The following ADAD1 variants were observed in gnomAD, a reference collection of about 807,000 sequenced individuals.
ADAD1 encodes the protein adenosine deaminase domain containing 1, also known as adenosine deaminase domain-containing protein 1.
A neutral mutation model predicts 66.8 loss-of-function variants in ADAD1; 46 were observed. The ratio of observed to expected loss-of-function variants is 0.69; its 90% CI spans 0.54 to 0.88. ADAD1 has a LOEUF of 0.88. Ranked by LOEUF, ADAD1 falls within the 40% of genes least tolerant of loss-of-function variation. ADAD1 has a pLI of 0.00. For synonymous variants in ADAD1, 248 were observed against 229.4 expected (o/e 1.08, Z -0.73); for missense variants, 617 against 681.8 (o/e 0.91, Z 1.06).
At chr4:122,426,974 C>A (rs1797269112) in intron 12 of ADAD1, among the ~76,000 whole-genome samples, 1 of 152,150 alleles carries the variant, frequency 6.6e-6, no homozygotes, top group Non-Finnish European at 1.5e-5. Context: ...CAACACTGTT[C>A]TCTAGGTCCT....
At chr4:122,406,919 A>G (rs1337001631) in intron 7 of ADAD1, among the ~76,000 whole-genome samples, 1 of 152,096 alleles carries the variant, frequency 6.6e-6, no homozygotes, top group African/African-American at 2.4e-5. Context: ...CCTTCAAAGC[A>G]CTTATCACAC....
In ADAD1 at chr4:122,387,691, A is replaced by C. The variant is rs183081803; in HGVS notation, c.529+3725A>C. ...ATATTGGCTTTGGTTTGTCATAAAT[A>C]GCTCTTATTATTTTGAGACATGTTC... On this transcript the variant is annotated intron_variant, in intron 5 of 12. Coordinates refer to ENST00000296513, the MANE Select transcript of ADAD1 (RefSeq NM_139243.4). Among the ~76,000 whole-genome samples, 130 of 151,672 alleles carry C rather than the reference A, an allele frequency of 8.6e-4. 1 individual carries two copies. In the East Asian group the frequency reaches 0.024, roughly 28 times the overall value.
At chr4:122,421,184 A>G in intron 11 of ADAD1, 77 bp from the exon 12 acceptor site, 18 of 1,158,908 alleles carry the variant, frequency 1.6e-5, no homozygotes, top group Non-Finnish European at 2.1e-5. Context: ...GTAGATCCAT[A>G]TTGATTTTAA....
intron 5 of ADAD1, among the ~76,000 whole-genome samples, chr4:122,386,031 G>C (rs568884615): frequency 6.6e-6 from 1 of 152,248 alleles, no homozygotes; most frequent in South Asian, 2.1e-4. Context: ...ATAGTAGAAT[G>C]ATTTATATTC....
chr4:122,405,645 A>G (rs146129888), intron 7 of ADAD1, among the ~76,000 whole-genome samples: 67 of 152,306 alleles, frequency 4.4e-4, no homozygotes, highest in African/African-American at 1.5e-3. Flanking sequence ...ATACATTATT[A>G]TTAACTGTAG....
chr4:122,406,060 C>T (rs865793580), intron 7 of ADAD1, among the ~76,000 whole-genome samples: 2 of 151,592 alleles, frequency 1.3e-5, no homozygotes, highest in South Asian at 2.1e-4. Flanking sequence ...ATATTTCTTC[C>T]AATCTTAATT....
chr4:122,381,839 T>A (rs1240340463), intron 4 of ADAD1, among the ~76,000 whole-genome samples: 1 of 152,154 alleles, frequency 6.6e-6, no homozygotes, highest in Non-Finnish European at 1.5e-5. Context: ...TTAAAAACTT[T>A]GTGTATATGT....
chr4:122,382,970 T>C (rs1046932520), intron 4 of ADAD1, among the ~76,000 whole-genome samples: 1 of 152,164 alleles, frequency 6.6e-6, no homozygotes, highest in African/African-American at 2.4e-5. Flanking sequence ...GTGGGGTTTA[T>C]GTGTGGCAGC....
chr4:122,421,408 TA>T lies in ADAD1; in HGVS notation c.1617+21del, dbSNP rs1451679038. On this transcript the variant is annotated intron_variant, in intron 12 of 12. Transcript: ENST00000296513. ...CAGCTAAGGTAAGTCCTTAAAGGAA[TA>T]AAGTTATCATAGGAATAAAATTTAA... The T allele has an allele frequency of 6.6e-7, 1 of 1,514,374 alleles. No individual in the cohort carries two copies. The highest frequency in any genetic ancestry group is 1.3e-5 in the South Asian group (1 of 74,754). The allele number at this position is 1,514,374 out of a possible 1,614,324, so 93.8% of individuals were successfully genotyped here.
chr4:122,407,869 G>C, intron 7 of ADAD1, 39 bp from the exon 8 acceptor site: 1 of 1,602,530 alleles, frequency 6.2e-7, no homozygotes, highest in Non-Finnish European at 8.5e-7. Flanking sequence ...GGAAGAGAGA[G>C]GTTAAATTAA....
chr4:122,414,825 T>C (rs1796653732), intron 10 of ADAD1, among the ~76,000 whole-genome samples: 2 of 152,168 alleles, frequency 1.3e-5, no homozygotes, highest in South Asian at 4.1e-4. Flanking sequence ...GATCTCTCCT[T>C]CAATAATTAT....
At chr4:122,403,903 G>T (rs1023108765) in intron 7 of ADAD1, among the ~76,000 whole-genome samples, 3 of 152,060 alleles carry the variant, frequency 2.0e-5, no homozygotes, top group Non-Finnish European at 1.5e-5. Flanking sequence ...TTATGTTTTA[G>T]GGGGATTATG....
rs964144001 is a variant in ADAD1, at chr4:122,422,125, T to C, written c.1617+735T>C. On this transcript the variant is annotated intron_variant, in intron 12 of 12. Transcript: ENST00000296513. The stretch of plus-strand genomic sequence containing the variant: ...ATGTGATATGACATGAACATCCTTT[T>C]TTTTTTTTTTTTTTTTTGAGATGGA... 4.6e-4 allele frequency among the ~76,000 whole-genome samples: 63 copies of C among 137,114 alleles called. 1 individual carries two copies. The highest frequency in any genetic ancestry group is 3.8e-3 in the Middle Eastern group (1 of 266). 90.0% of individuals were successfully genotyped at this position (137,114 alleles called of 152,430 possible). A position where few individuals can be genotyped will look rare whatever the true frequency, so the allele number is the denominator to read the frequency against.
At chr4:122,413,271 A>G (rs1796553670) in intron 10 of ADAD1, among the ~76,000 whole-genome samples, 1 of 152,188 alleles carries the variant, frequency 6.6e-6, no homozygotes, top group South Asian at 2.1e-4. Flanking sequence ...TACTTTTCAA[A>G]AAGTTTGCAG....
chr4:122,417,752 T>TA (rs1449480766), intron 11 of ADAD1, among the ~76,000 whole-genome samples: 1 of 152,214 alleles, frequency 6.6e-6, no homozygotes, highest in Non-Finnish European at 1.5e-5. Context: ...GACTGTGTGT[T>TA]AAACGACAAA....
At chr4:122,407,616 G>A (rs1796276262) in intron 7 of ADAD1, among the ~76,000 whole-genome samples, 1 of 152,234 alleles carries the variant, frequency 6.6e-6, no homozygotes, top group Non-Finnish European at 1.5e-5. Context: ...GAAATAGAAA[G>A]CGATATTTGA....
At chr4:122,391,803 A>G (rs566826600) in intron 5 of ADAD1, among the ~76,000 whole-genome samples, 1 of 152,314 alleles carries the variant, frequency 6.6e-6, no homozygotes, top group East Asian at 1.9e-4. Context: ...TTTGTCTTCC[A>G]GGTTCAAGTG....
chr4:122,387,280 A>G (rs1795216710), intron 5 of ADAD1, among the ~76,000 whole-genome samples: 1 of 151,804 alleles, frequency 6.6e-6, no homozygotes, highest in Non-Finnish European at 1.5e-5. Flanking sequence ...ATTCCTAGGT[A>G]TTTTATTCTC....
At chr4:122,391,027 T>G (rs1264995143) in intron 5 of ADAD1, among the ~76,000 whole-genome samples, 1 of 152,194 alleles carries the variant, frequency 6.6e-6, no homozygotes, top group African/African-American at 2.4e-5. Flanking sequence ...TGCTGACCCT[T>G]GGATAGGGTT....
Sources: allele counts gnomAD v4.1 joint callset (sites outside exome capture counted in the v4.1 genomes callset), GRCh38; gene constraint gnomAD v4.1.1; transcripts MANE v1.5; gene names NCBI Gene and HGNC (gene_info 2026-07-23, HGNC 2026-07-21).